Variants in LRRC8D observed in about 807,000 individuals in gnomAD.
LRRC8D encodes the protein volume-regulated anion channel subunit LRRC8D.
In LRRC8D, 20 loss-of-function variants were observed where a neutral mutation model predicts 55.8. The ratio of observed to expected loss-of-function variants is 0.36; its 90% CI spans 0.25 to 0.52. LRRC8D has a LOEUF of 0.52. Ranked by LOEUF, LRRC8D falls within the 20% of genes least tolerant of loss-of-function variation. The pLI, the probability that LRRC8D is intolerant of heterozygous loss-of-function variation, is 0.93. For missense variants in LRRC8D, 651 were observed against 1,030.8 expected (o/e 0.63, Z 5.05); for synonymous variants, 352 against 377.0 (o/e 0.93, Z 0.77).
intron 2 of LRRC8D, among the ~76,000 whole-genome samples, chr1:89,896,324 A>G (rs746850262): frequency 6.6e-6 from 1 of 152,142 alleles, no homozygotes; most frequent in Non-Finnish European, 1.5e-5. Flanking sequence ...AGGAGCCCTT[A>G]GAGATCGTGT....
intron 2 of LRRC8D, among the ~76,000 whole-genome samples, chr1:89,860,809 T>TATATATATATATATAC (rs970678615): frequency 2.0e-4 from 21 of 105,548 alleles, no homozygotes; most frequent in African/African-American, 7.2e-4. Context: ...TATATATATA[T>TATATATATATATATAC]ACACACACAG....
chr1:89,845,023 G>A (rs1430684911), intron 2 of LRRC8D, among the ~76,000 whole-genome samples: 4 of 152,214 alleles, frequency 2.6e-5, no homozygotes, highest in African/African-American at 7.2e-5. Flanking sequence ...GTAGCACAGA[G>A]GAAAAGTGAA....
rs531726399 is a variant in LRRC8D, at chr1:89,843,588, C to T, written c.-147-50C>T. ...GCCCTGCACTCCTTCCTCCCCGCTGCCGACACTTGGATCTCTCTAGCTCTT... is the reference window on the plus strand; with the variant it reads ...GCCCTGCACTCCTTCCTCCCCGCTGTCGACACTTGGATCTCTCTAGCTCTT... On this transcript the variant is annotated intron_variant, in intron 1 of 2. Coordinates refer to ENST00000337338, the MANE Select transcript of LRRC8D (RefSeq NM_001134479.2). The T allele has an allele frequency of 9.2e-4, 642 of 697,442 alleles. 4 individuals carry two copies. In the African/African-American group the frequency reaches 9.6e-3, roughly 10 times the overall value. The allele number at this position is 697,442 out of a possible 1,614,324, so 43.2% of individuals were successfully genotyped here.
intron 2 of LRRC8D, among the ~76,000 whole-genome samples, chr1:89,884,840 C>T (rs907080224): frequency 6.6e-6 from 1 of 152,180 alleles, no homozygotes; most frequent in African/African-American, 2.4e-5. Context: ...CATCAGGAAC[C>T]TTTCCTTGCC....
intron 2 of LRRC8D, among the ~76,000 whole-genome samples, chr1:89,904,231 C>T (rs893238811): frequency 6.6e-6 from 1 of 152,172 alleles, no homozygotes; most frequent in South Asian, 2.1e-4. Context: ...TTGGCTCCTT[C>T]GGGAATCCCC....
chr1:89,922,494 G>A (rs1031255393), intron 2 of LRRC8D, among the ~76,000 whole-genome samples: 1 of 152,200 alleles, frequency 6.6e-6, no homozygotes, highest in Non-Finnish European at 1.5e-5. Context: ...CAACGAATTG[G>A]TCTAGTCATC....
intron 2 of LRRC8D, among the ~76,000 whole-genome samples, chr1:89,902,630 A>G (rs1662892367): frequency 6.7e-6 from 1 of 149,800 alleles, no homozygotes; most frequent in Non-Finnish European, 1.5e-5. Context: ...TCCGCCTCCT[A>G]GGTCCACGCC....
chr1:89,824,536 AG>A (rs1341568989), intron 1 of LRRC8D, among the ~76,000 whole-genome samples: 2 of 152,198 alleles, frequency 1.3e-5, no homozygotes, highest in Admixed American at 1.3e-4. Flanking sequence ...TCCTGAAGAC[AG>A]GTTATTACAC....
At chr1:89,885,190 T>A (rs1180997901) in intron 2 of LRRC8D, among the ~76,000 whole-genome samples, 1 of 152,238 alleles carries the variant, frequency 6.6e-6, no homozygotes, top group Admixed American at 6.5e-5. Context: ...CCCTTTGACT[T>A]TATTTCTTAT....
rs115460763 is a variant in LRRC8D, at chr1:89,863,303, C to T, written c.-3+19521C>T. Among the ~76,000 whole-genome samples the T allele has an allele frequency of 4.2e-3, 641 of 152,288 alleles. 12 individuals are homozygous for T. The highest frequency in any genetic ancestry group is 0.015 in the African/African-American group (609 of 41,566). On this transcript the variant is annotated intron_variant, in intron 2 of 2. Coordinates refer to ENST00000337338, the MANE Select transcript of LRRC8D (RefSeq NM_001134479.2). ...TTGGTTGGATAAAATAAAGGGCTGCCCATGTAGTCTTCTGGTCTGTGGCCC... is the reference window on the plus strand; with the variant it reads ...TTGGTTGGATAAAATAAAGGGCTGCTCATGTAGTCTTCTGGTCTGTGGCCC...
chr1:89,912,096 C>A lies in LRRC8D; in HGVS notation c.-2-20971C>A, dbSNP rs1316954565. The stretch of plus-strand genomic sequence containing the variant: ...ATTCAGGACAACCAACTACTAGATA[C>A]CTTGACTTAAATTTATTATGCCACT... On this transcript the variant is annotated intron_variant, in intron 2 of 2. Coordinates refer to ENST00000337338, the MANE Select transcript of LRRC8D (RefSeq NM_001134479.2). 2.0e-5 allele frequency among the ~76,000 whole-genome samples: 3 copies of A among 152,134 alleles called. No individual in the cohort carries two copies. In the South Asian group the frequency reaches 6.2e-4, roughly 32 times the overall value.
chr1:89,895,056 C>T (rs1370085239), intron 2 of LRRC8D, among the ~76,000 whole-genome samples: 1 of 144,122 alleles, frequency 6.9e-6, no homozygotes, highest in Non-Finnish European at 1.5e-5. Context: ...TCAGTGCCTA[C>T]AGTGAGCAGT....
chr1:89,848,533 A>G (rs2100759369), intron 2 of LRRC8D, among the ~76,000 whole-genome samples: 1 of 152,228 alleles, frequency 6.6e-6, no homozygotes, highest in East Asian at 1.9e-4. Flanking sequence ...TGAGCAGGGC[A>G]TGGAAATCTA....
At chr1:89,844,839 G>A (rs1161442108) in intron 2 of LRRC8D, among the ~76,000 whole-genome samples, 1 of 152,192 alleles carries the variant, frequency 6.6e-6, no homozygotes, top group African/African-American at 2.4e-5. Context: ...ACACTAAGGG[G>A]AGTGGGATGG....
At chr1:89,879,748 A>G (rs1204830543) in intron 2 of LRRC8D, among the ~76,000 whole-genome samples, 1 of 152,220 alleles carries the variant, frequency 6.6e-6, no homozygotes, top group Non-Finnish European at 1.5e-5. Flanking sequence ...TAATTATAGT[A>G]TACTTGGCTG....
At chr1:89,834,500 C>T (rs887820498) in intron 1 of LRRC8D, among the ~76,000 whole-genome samples, 4 of 152,218 alleles carry the variant, frequency 2.6e-5, no homozygotes, top group African/African-American at 9.6e-5. Context: ...GTGCTAATAA[C>T]TAGCAGGGAG....
In LRRC8D at chr1:89,849,226, A is replaced by G. The variant is rs139738195; in HGVS notation, c.-3+5444A>G. Among the ~76,000 whole-genome samples, 611 of 152,360 alleles carry G rather than the reference A, an allele frequency of 4.0e-3. 8 individuals carry two copies. Among genetic ancestry groups the G allele is most frequent in the African/African-American group, 0.013 (559 of 41,582 alleles). On this transcript the variant is annotated intron_variant, in intron 2 of 2. Coordinates refer to ENST00000337338, the MANE Select transcript of LRRC8D (RefSeq NM_001134479.2). ...CAAAAGTTAAGTTAAAACTGTAAAC[A>G]ATATGGAGACAGTACAAATAGGGAC... is the stretch of plus-strand genomic sequence containing the variant.
At chr1:89,821,498 C>G (rs1355738195) in intron 1 of LRRC8D, among the ~76,000 whole-genome samples, 1 of 152,174 alleles carries the variant, frequency 6.6e-6, no homozygotes, top group Non-Finnish European at 1.5e-5. Context: ...CCGCCAGGGC[C>G]TGGGAGATTG....
chr1:89,850,206 T>G (rs926382068), intron 2 of LRRC8D, among the ~76,000 whole-genome samples: 2 of 152,192 alleles, frequency 1.3e-5, no homozygotes, highest in African/African-American at 2.4e-5. Flanking sequence ...GATGTATCTT[T>G]CTGAGATCTC....
Sources: gnomAD v4.1 joint callset for allele counts (sites outside exome capture counted in the v4.1 genomes callset) on GRCh38, gnomAD v4.1.1 for gene constraint, MANE v1.5 for transcripts, NCBI Gene and HGNC (gene_info 2026-07-23, HGNC 2026-07-21) for gene names.